Variants in GATB observed in about 807,000 individuals in gnomAD.
GATB encodes the protein glutamyl-tRNA amidotransferase subunit B.
In GATB, 39 loss-of-function variants were observed where a neutral mutation model predicts 62.3. The observed-to-expected ratio is 0.63, with a 90% CI of 0.48 to 0.82. The LOEUF (loss-of-function observed/expected upper bound fraction) is 0.82, where lower values mean the gene tolerates loss of function less well. Among genes scored for constraint, GATB ranks in the 40% least tolerant of loss-of-function variants. The pLI is 0.00. For synonymous variants in GATB, 276 were observed against 258.9 expected (o/e 1.07, Z -0.63); for missense variants, 670 against 684.0 (o/e 0.98, Z 0.23).
chr4:151,711,211 G>A (rs781444164), intron 5 of GATB, among the ~76,000 whole-genome samples: 7 of 152,032 alleles, frequency 4.6e-5, no homozygotes, highest in Non-Finnish European at 1.0e-4. Flanking sequence ...CTTCTTAACT[G>A]GTCTCCTGGC....
At chr4:151,701,574 AC>A (rs1241422182) in intron 8 of GATB, 56 bp from the exon 9 acceptor site, 1 of 1,234,292 alleles carries the variant, frequency 8.1e-7, no homozygotes, top group Non-Finnish European at 1.1e-6. Context: ...TAATGAGAAA[AC>A]AAAACCTCCC....
At chr4:151,688,522 A>G (rs915263209) in intron 10 of GATB, 108 bp downstream of exon 10, 25 of 1,036,158 alleles carry the variant, frequency 2.4e-5, no homozygotes, top group Non-Finnish European at 3.6e-5. Context: ...TCATGTCAGG[A>G]TATCCTGAGG....
chr4:151,697,201 T>C (rs530263654), intron 9 of GATB, among the ~76,000 whole-genome samples: 35 of 152,322 alleles, frequency 2.3e-4, no homozygotes, highest in African/African-American at 8.2e-4. Context: ...CACAGCACTA[T>C]TCACAATAGT....
chr4:151,687,674 C>T (rs548819240), intron 10 of GATB, among the ~76,000 whole-genome samples: 18 of 152,220 alleles, frequency 1.2e-4, no homozygotes, highest in African/African-American at 4.3e-4. Flanking sequence ...GAAGAGGTCA[C>T]GAGGGTGTGG....
chr4:151,731,540 G>A (rs995854157), intron 2 of GATB, among the ~76,000 whole-genome samples: 10 of 152,256 alleles, frequency 6.6e-5, no homozygotes, highest in Non-Finnish European at 1.0e-4. Context: ...CTGCCACCCC[G>A]TCTGGGAAGT....
chr4:151,760,818 C>T lies in GATB; in HGVS notation c.165G>A (p.Lys55=). The change falls in exon 1 of 13, where the codon AAG becomes AAA. Residue 55 remains lysine (K), a synonymous_variant. Coordinates refer to ENST00000263985, the MANE Select transcript of GATB (RefSeq NM_004564.3). ...ATGAAACAGAATACCCTTTCCTCGT[C>T]TTCTGGGCCGTGTGGAGGGGCTGCT... ...VAQQPLHTAQ[K]TRKGEHKWAA... 1 of 1,609,560 alleles carries T rather than the reference C, an allele frequency of 6.2e-7. No homozygotes were observed. The highest frequency in any genetic ancestry group is 8.5e-7 in the Non-Finnish European group (1 of 1,177,726).
intron 10 of GATB, 39 bp from the exon 11 acceptor site, chr4:151,679,930 C>T: frequency 6.4e-7 from 1 of 1,570,932 alleles, no homozygotes; most frequent in Non-Finnish European, 8.8e-7. Flanking sequence ...TTACATTGCA[C>T]ACTGTCAGGG....
intron 9 of GATB, among the ~76,000 whole-genome samples, chr4:151,694,451 G>A (rs1334003723): frequency 6.6e-6 from 1 of 152,308 alleles, no homozygotes; most frequent in East Asian, 1.9e-4. Context: ...CAGAAGTAGA[G>A]TTAGATGATA....
At chr4:151,725,402 AATACATACAGTTCTAT>A (rs1665447025) in intron 2 of GATB, among the ~76,000 whole-genome samples, 3 of 152,372 alleles carry the variant, frequency 2.0e-5, no homozygotes, top group Non-Finnish European at 4.4e-5. Context: ...TACCTCAGCA[AATACATACAGTTCTAT>A]GTTCATTTCT....
intron 9 of GATB, among the ~76,000 whole-genome samples, chr4:151,697,576 C>G (rs1157322844): frequency 1.3e-5 from 2 of 151,450 alleles, no homozygotes; most frequent in Non-Finnish European, 2.9e-5. Context: ...TGCAATATAT[C>G]TATGTATCAA....
At chr4:151,717,889 C>T (rs1267375518) in intron 3 of GATB, among the ~76,000 whole-genome samples, 2 of 152,156 alleles carry the variant, frequency 1.3e-5, no homozygotes, top group African/African-American at 4.8e-5. Flanking sequence ...CAGTTAATTC[C>T]ACAACAACCC....
chr4:151,708,081 C>T lies in GATB; in HGVS notation c.784G>A (p.Ala262Thr), dbSNP rs1025525918. The T allele has an allele frequency of 1.2e-6, 2 of 1,613,272 alleles. No individual in the cohort carries two copies. Among genetic ancestry groups the T allele is most frequent in the Non-Finnish European group, 1.7e-6 (2 of 1,179,320 alleles). ...CCAGGGTGATGCACGGATATATTGG[C>T]ATCCACTCTCAACTGGCCCTCTGGA... ...NMAEGQLRVD[A>T]NISVHHPGEP... Residue 262 changes from alanine to threonine, a missense_variant, in exon 6 of 13, where the codon GCC (alanine) becomes ACC (threonine). Ala to Thr is a moderately conservative substitution (Grantham distance 58). Coordinates refer to ENST00000263985, the MANE Select transcript of GATB (RefSeq NM_004564.3).
At chr4:151,677,123 C>T (rs1204498763) in intron 11 of GATB, among the ~76,000 whole-genome samples, 1 of 152,162 alleles carries the variant, frequency 6.6e-6, no homozygotes, top group African/African-American at 2.4e-5. Context: ...TCCAGTTCTG[C>T]CAGAGGCAAC....
intron 2 of GATB, chr4:151,724,005 G>A (rs987056864): frequency 2.6e-5 from 4 of 152,238 alleles, no homozygotes; most frequent in East Asian, 1.9e-4. Context: ...GAGTAGTGCT[G>A]CAATCATAAT....
chr4:151,759,238 C>T (rs1578946866), intron 1 of GATB, among the ~76,000 whole-genome samples: 1 of 152,162 alleles, frequency 6.6e-6, no homozygotes, highest in Non-Finnish European at 1.5e-5. Flanking sequence ...TATCAGGTGA[C>T]AACTGCTTGG....
intron 2 of GATB, among the ~76,000 whole-genome samples, chr4:151,752,634 T>C (rs907823074): frequency 6.6e-6 from 1 of 152,214 alleles, no homozygotes; most frequent in Admixed American, 6.5e-5. Context: ...CAGTATTGTG[T>C]TCTTGTTTCA....
chr4:151,749,362 G>A (rs1739667183), intron 2 of GATB, among the ~76,000 whole-genome samples: 1 of 152,102 alleles, frequency 6.6e-6, no homozygotes, highest in South Asian at 2.1e-4. Flanking sequence ...CCTTTGTAGG[G>A]ACATGGATGA....
At chr4:151,697,228 C>T (rs577705564) in intron 9 of GATB, among the ~76,000 whole-genome samples, 7 of 152,166 alleles carry the variant, frequency 4.6e-5, no homozygotes, top group African/African-American at 7.2e-5. Flanking sequence ...ATGGAATCAG[C>T]GTAAGCGTCC....
At chr4:151,671,479 C>T in intron 12 of GATB, among the ~76,000 whole-genome samples, 177 bp from the exon 13 acceptor site, 1 of 152,124 alleles carries the variant, frequency 6.6e-6, no homozygotes, top group East Asian at 1.9e-4. Flanking sequence ...GGTTTCTAGG[C>T]TCCTGTCAAA....
Sources: gnomAD v4.1 joint callset for allele counts (sites outside exome capture counted in the v4.1 genomes callset) on GRCh38, gnomAD v4.1.1 for gene constraint, MANE v1.5 for transcripts, NCBI Gene and HGNC (gene_info 2026-07-23, HGNC 2026-07-21) for gene names.